The following CYP20A1 variants were observed in gnomAD, a reference collection of about 807,000 sequenced individuals.
CYP20A1 encodes cytochrome P450 family 20 subfamily A member 1.
A neutral mutation model predicts 61.4 loss-of-function variants in CYP20A1; 61 were observed. The observed-to-expected ratio is 0.99, with a 90% CI of 0.81 to 1.23. The LOEUF (loss-of-function observed/expected upper bound fraction) is 1.23, where lower values mean the gene tolerates loss of function less well. Among genes scored for constraint, CYP20A1 ranks in the 50% most tolerant of loss-of-function variants. The pLI, the probability that CYP20A1 is intolerant of heterozygous loss-of-function variation, is 0.00. For missense variants in CYP20A1, 530 were observed against 542.4 expected (o/e 0.98, Z 0.23); for synonymous variants, 193 against 188.2 (o/e 1.03, Z -0.21).
intron 6 of CYP20A1, 32 bp downstream of exon 6, chr2:203,272,780 C>T: frequency 7.6e-7 from 1 of 1,316,556 alleles, no homozygotes; most frequent in Non-Finnish European, 1.1e-6. Context: ...TTAGTGAGGA[C>T]AAAAAATAAA....
chr2:203,255,034 A>C (rs186120324), intron 4 of CYP20A1, among the ~76,000 whole-genome samples: 1 of 152,104 alleles, frequency 6.6e-6, no homozygotes, highest in African/African-American at 2.4e-5. Context: ...CACATTTGAA[A>C]AGAATCTCTA....
chr2:203,239,227 G>A, intron 1 of CYP20A1, 93 bp downstream of exon 1: 1 of 1,112,488 alleles, frequency 9.0e-7, no homozygotes, highest in South Asian at 1.3e-5. Flanking sequence ...CGGGCCGCAG[G>A]GGGCGGGCCT....
chr2:203,252,134 A>T, intron 4 of CYP20A1, 25 bp downstream of exon 4: 2 of 1,565,556 alleles, frequency 1.3e-6, no homozygotes, highest in South Asian at 1.2e-5. Context: ...AGTTTGGTCT[A>T]GTGTTCTACA....
At chr2:203,242,938 CT>C (rs1471570393) in intron 1 of CYP20A1, among the ~76,000 whole-genome samples, 2 of 152,190 alleles carry the variant, frequency 1.3e-5, no homozygotes, top group Non-Finnish European at 2.9e-5. Context: ...AATTCCGCCC[CT>C]GAACCCACAC....
At position 203,300,387 on chromosome 2, in the gene CYP20A1, T is replaced by C. The variant is rs1480785992; in HGVS notation, c.*3479T>C. On this transcript the variant is annotated 3_prime_UTR_variant, in exon 13 of 13. Coordinates refer to ENST00000356079, the MANE Select transcript of CYP20A1 (RefSeq NM_177538.3). ...AAGAATGACAAAAATCTGTGTTCTT[T>C]GTACTTATCAAGTGACTCAAATTTT... is the stretch of plus-strand genomic sequence containing the variant. 1.3e-5 allele frequency among the ~76,000 whole-genome samples: 2 copies of C among 152,080 alleles called. No individual in the cohort carries two copies. The highest frequency in any genetic ancestry group is 4.8e-5 in the African/African-American group (2 of 41,322).
rs2068822146 is a variant in CYP20A1, at chr2:203,296,866, A to G, written c.1347A>G (p.Ser449=). 1 of 1,607,168 alleles carries G rather than the reference A, an allele frequency of 6.2e-7. No homozygotes were observed. ...VIETKYELVT[S]SREEAWITVS... ...AAACAAAGTATGAACTGGTAACATCATCAAGGGAAGAAGCTTGGATCACTG... is the reference window on the plus strand; with the variant it reads ...AAACAAAGTATGAACTGGTAACATCGTCAAGGGAAGAAGCTTGGATCACTG... The change falls in exon 13 of 13, where the codon TCA becomes TCG. Residue 449 remains serine, a synonymous_variant. Transcript: ENST00000356079.
intron 4 of CYP20A1, among the ~76,000 whole-genome samples, chr2:203,261,707 A>C (rs546575748): frequency 6.6e-6 from 1 of 151,332 alleles, no homozygotes. Flanking sequence ...CTCAGGACTC[A>C]GATTCAGGCT....
At chr2:203,285,478 T>G in intron 8 of CYP20A1, 134 bp from the exon 9 acceptor site, 1 of 965,458 alleles carries the variant, frequency 1.0e-6, no homozygotes, top group Non-Finnish European at 1.4e-6. Flanking sequence ...TAGTAGCACT[T>G]ATATATCTTC....
At chr2:203,252,950 T>C (rs901824247) in intron 4 of CYP20A1, among the ~76,000 whole-genome samples, 10 of 152,180 alleles carry the variant, frequency 6.6e-5, no homozygotes, top group Admixed American at 1.3e-4. Flanking sequence ...AGTTTCCCAG[T>C]TGGGGTGGCG....
intron 11 of CYP20A1, 41 bp from the exon 12 acceptor site, chr2:203,296,433 A>G (rs1448139764): frequency 1.6e-6 from 2 of 1,231,788 alleles, no homozygotes; most frequent in Middle Eastern, 1.9e-4. Context: ...GTAAGATGCC[A>G]GTGGAGCTAT....
At chr2:203,248,502 C>T (rs182363911) in intron 3 of CYP20A1, among the ~76,000 whole-genome samples, 5 of 152,098 alleles carry the variant, frequency 3.3e-5, no homozygotes, top group Admixed American at 2.6e-4. Flanking sequence ...CCACTGCGCT[C>T]CAGCCTGGGT....
chr2:203,271,080 A>ATTTTTTT (rs1376244749), intron 5 of CYP20A1, among the ~76,000 whole-genome samples: 58 of 39,138 alleles, frequency 1.5e-3, no homozygotes, highest in Non-Finnish European at 2.4e-3. Flanking sequence ...ATATATATAT[A>ATTTTTTT]TATTTTTTTT....
At chr2:203,261,240 C>A (rs1259455785) in intron 4 of CYP20A1, among the ~76,000 whole-genome samples, 1 of 151,348 alleles carries the variant, frequency 6.6e-6, no homozygotes, top group Non-Finnish European at 1.5e-5. Flanking sequence ...ATAATAGGGG[C>A]TACTCTAAGG....
At chr2:203,296,444 A>G in intron 11 of CYP20A1, 30 bp from the exon 12 acceptor site, 2 of 1,432,988 alleles carry the variant, frequency 1.4e-6, no homozygotes, top group East Asian at 2.3e-5. Flanking sequence ...GTGGAGCTAT[A>G]TTGTGATTAA....
At chr2:203,278,879 A>G (rs1313820551) in intron 7 of CYP20A1, among the ~76,000 whole-genome samples, 191 bp downstream of exon 7, 1 of 152,222 alleles carries the variant, frequency 6.6e-6, no homozygotes, top group African/African-American at 2.4e-5. Context: ...ACATATATAC[A>G]GTGTGCTTTT....
chr2:203,276,598 T>A (rs1303078886), intron 6 of CYP20A1, among the ~76,000 whole-genome samples: 4 of 151,876 alleles, frequency 2.6e-5, no homozygotes, highest in Admixed American at 2.6e-4. Flanking sequence ...AATTAGGGTA[T>A]AAGGGAGAGG....
At chr2:203,275,460 A>C (rs1392598495) in intron 6 of CYP20A1, among the ~76,000 whole-genome samples, 1 of 151,210 alleles carries the variant, frequency 6.6e-6, no homozygotes, top group Non-Finnish European at 1.5e-5. Context: ...TTTGAGACTG[A>C]ATCTCGCTCT....
intron 4 of CYP20A1, among the ~76,000 whole-genome samples, chr2:203,255,236 C>T (rs544662378): frequency 6.6e-6 from 1 of 152,170 alleles, no homozygotes; most frequent in African/African-American, 2.4e-5. Context: ...ACCTTCAACT[C>T]CTGAGAATAA....
chr2:203,271,052 G>GTATATATATATATATA (rs1352823025), intron 5 of CYP20A1, among the ~76,000 whole-genome samples: 5 of 45,758 alleles, frequency 1.1e-4, no homozygotes, highest in African/African-American at 3.5e-4. Flanking sequence ...ATATGTATAT[G>GTATATATATATATATA]TGTATATATA....
Sources: gnomAD v4.1 joint callset for allele counts (sites outside exome capture counted in the v4.1 genomes callset) on GRCh38, gnomAD v4.1.1 for gene constraint, MANE v1.5 for transcripts, NCBI Gene and HGNC (gene_info 2026-07-23, HGNC 2026-07-21) for gene names.